The following NSFL1C variants were observed in gnomAD, a reference collection of about 807,000 sequenced individuals.
The protein encoded by NSFL1C is NSFL1 cofactor p47.
A neutral mutation model predicts 43.1 loss-of-function variants in NSFL1C; 14 were observed. The ratio of observed to expected loss-of-function variants is 0.32; its 90% CI spans 0.21 to 0.51. The LOEUF (loss-of-function observed/expected upper bound fraction) is 0.51, where lower values mean the gene tolerates loss of function less well. Ranked by LOEUF, NSFL1C falls within the 20% of genes least tolerant of loss-of-function variation. NSFL1C has a pLI of 0.98. For synonymous variants in NSFL1C, 171 were observed against 183.5 expected, an observed-to-expected ratio of 0.93 and a Z score of 0.55; for missense variants, 406 against 472.5, an observed-to-expected ratio of 0.86 and a Z score of 1.30.
chr20:1,454,117 G>T, intron 5 of NSFL1C, 96 bp downstream of exon 5: 1 of 928,450 alleles, frequency 1.1e-6, no homozygotes, highest in East Asian at 2.4e-5. Flanking sequence ...TTCCCTTTCA[G>T]AGGCTGCTGG....
chr20:1,455,855 A>G, intron 3 of NSFL1C: 1 of 727,794 alleles, frequency 1.4e-6, no homozygotes, highest in Non-Finnish European at 2.6e-6. Flanking sequence ...CATTCATGTG[A>G]CACACACTGT....
In NSFL1C at chr20:1,466,754, C is replaced by A; in HGVS notation, c.71G>T (p.Arg24Leu). The A allele has an allele frequency of 6.4e-7, 1 of 1,564,058 alleles. No homozygotes were observed. The highest frequency in any genetic ancestry group is 8.6e-7 in the Non-Finnish European group (1 of 1,157,470). ...AVTGAEEDRA[R>L]FFLESAGWDL... is the part of the protein sequence containing the mutation. ...CCAGCCGGCCGACTCGAGAAAGAAG[C>A]GGGCCCGGTCCTCCTCGGCGCCCGT... The change falls in exon 1 of 9, where the codon CGC becomes CTC. Residue 24 changes from arginine (R) to leucine (L), a missense_variant. Physicochemically the swap from Arg to Leu is moderately radical, Grantham distance 102. This residue lies in a region of NSFL1C where 203 missense variants were observed against 216.3 expected (regional missense o/e 0.94). Coordinates refer to ENST00000216879, the MANE Select transcript of NSFL1C (RefSeq NM_016143.5).
In NSFL1C at chr20:1,445,665, C is replaced by T; in HGVS notation, c.950+1G>A. On this transcript the variant is annotated splice_donor_variant, in intron 8 of 8. Coordinates refer to ENST00000216879, the MANE Select transcript of NSFL1C (RefSeq NM_016143.5). LOFTEE classifies it high-confidence loss of function. ...AAGCTAGGCCACACAATGCAAGGTA[C>T]CTGTGGCTGTGGTTAAATTTCTGCA... 1 of 1,612,182 alleles carries T rather than the reference C, an allele frequency of 6.2e-7. No homozygotes were observed. Among genetic ancestry groups the T allele is most frequent in the Non-Finnish European group, 8.5e-7 (1 of 1,179,804 alleles).
intron 6 of NSFL1C, 108 bp from the exon 7 acceptor site, chr20:1,452,738 C>A: frequency 7.2e-7 from 1 of 1,394,956 alleles, no homozygotes. Context: ...AATCGCTGGG[C>A]CTCCAAAGGG....
chr20:1,452,742 C>A (rs1599949268), intron 6 of NSFL1C, 112 bp from the exon 7 acceptor site: 6 of 1,347,350 alleles, frequency 4.5e-6, no homozygotes, highest in Non-Finnish European at 6.1e-6. Flanking sequence ...GCTGGGCCTC[C>A]AAAGGGAGCA....
Position 1,443,510 on chromosome 20 carries a change from AT to A in NSFL1C, c.*238del. On this transcript the variant is annotated 3_prime_UTR_variant, in exon 9 of 9. Coordinates refer to ENST00000216879, the MANE Select transcript of NSFL1C (RefSeq NM_016143.5). ...ACAACATGCTGGTGATATTCCTTCA[AT>A]TTTTTTGGTTGTTTTTATTTTTTTT... The A allele has an allele frequency of 4.9e-6, 2 of 405,974 alleles. No homozygotes were observed. The highest frequency in any genetic ancestry group is 4.4e-6 in the Non-Finnish European group (1 of 225,378). The allele number at this position is 405,974 out of a possible 1,614,324, so 25.1% of individuals were successfully genotyped here.
At chr20:1,466,687 G>A (rs1444280810) in intron 1 of NSFL1C, 33 bp downstream of exon 1, 13 of 1,523,596 alleles carry the variant, frequency 8.5e-6, no homozygotes, top group South Asian at 3.6e-5. Context: ...GCAGTCCCCG[G>A]CCCACCCGAC....
At chr20:1,456,817 C>T (rs774467181) in intron 3 of NSFL1C, 1 of 152,008 alleles carries the variant, frequency 6.6e-6, no homozygotes, top group Admixed American at 6.6e-5. Context: ...ATGTTCATAG[C>T]ACTGATATTT....
chr20:1,462,697 G>C (rs1008707836), intron 2 of NSFL1C, among the ~76,000 whole-genome samples: 2 of 151,716 alleles, frequency 1.3e-5, no homozygotes, highest in African/African-American at 4.8e-5. Flanking sequence ...AATTTTTTTT[G>C]TATTTTTAGT....
chr20:1,445,387 G>C lies in NSFL1C; in HGVS notation c.950+279C>G, dbSNP rs1306674517. On this transcript the variant is annotated intron_variant, in intron 8 of 8. Transcript: ENST00000216879. ...ATGGGACTTCCTCTGAAGTCTGGTAGCTTAAAAAAAGCCCTGAGAAATCTA... is the reference window on the plus strand; with the variant it reads ...ATGGGACTTCCTCTGAAGTCTGGTACCTTAAAAAAAGCCCTGAGAAATCTA... Among the ~76,000 whole-genome samples the C allele has an allele frequency of 3.3e-5, 5 of 152,160 alleles. No homozygotes were observed. In the East Asian group the frequency reaches 5.8e-4, roughly 18 times the overall value.
intron 7 of NSFL1C, among the ~76,000 whole-genome samples, chr20:1,448,134 T>G (rs2090105793): frequency 6.6e-6 from 1 of 152,234 alleles, no homozygotes; most frequent in Non-Finnish European, 1.5e-5. Context: ...CTGAGCATCT[T>G]GGCACCTCAA....
At chr20:1,450,959 G>A (rs2122856590) in intron 7 of NSFL1C, among the ~76,000 whole-genome samples, 1 of 152,322 alleles carries the variant, frequency 6.6e-6, no homozygotes, top group Non-Finnish European at 1.5e-5. Flanking sequence ...ACAACAGCAT[G>A]TTTACAAATA....
intron 1 of NSFL1C, among the ~76,000 whole-genome samples, chr20:1,466,485 G>A (rs1444671442): frequency 1.3e-5 from 2 of 152,214 alleles, no homozygotes; most frequent in Admixed American, 1.3e-4. Context: ...GACGCCGCAA[G>A]CGGGCGAGGC....
intron 7 of NSFL1C, among the ~76,000 whole-genome samples, chr20:1,447,886 G>GT (rs1417173186): frequency 1.3e-5 from 2 of 152,128 alleles, no homozygotes; most frequent in African/African-American, 4.8e-5. Flanking sequence ...TGAGAGGGGT[G>GT]TATCTCCATT....
intron 3 of NSFL1C, among the ~76,000 whole-genome samples, chr20:1,457,771 C>T (rs1371288567): frequency 2.0e-5 from 3 of 152,208 alleles, no homozygotes; most frequent in African/African-American, 7.2e-5. Flanking sequence ...TTTTTAAAGA[C>T]TGAGTAGTAT....
intron 7 of NSFL1C, 35 bp downstream of exon 7, chr20:1,452,458 G>T: frequency 6.2e-7 from 1 of 1,608,730 alleles, no homozygotes; most frequent in South Asian, 1.1e-5. Context: ...AGGTGTGATT[G>T]ACAGAGTCTG....
At chr20:1,451,149 CTG>C (rs1327003908) in intron 7 of NSFL1C, among the ~76,000 whole-genome samples, 2 of 152,298 alleles carry the variant, frequency 1.3e-5, no homozygotes, top group South Asian at 2.1e-4. Context: ...GGGACACTCT[CTG>C]TGAGAATAGC....
chr20:1,453,911 G>A (rs73891550), intron 5 of NSFL1C, among the ~76,000 whole-genome samples: 325 of 152,168 alleles, frequency 2.1e-3, no homozygotes, highest in African/African-American at 7.7e-3. Flanking sequence ...AGCTATACTC[G>A]CATCACTAGA....
intron 7 of NSFL1C, among the ~76,000 whole-genome samples, chr20:1,449,227 T>A (rs534207058): frequency 6.6e-6 from 1 of 151,826 alleles, no homozygotes; most frequent in African/African-American, 2.4e-5. Context: ...GCTAACAACA[T>A]AAAACACTCG....
Sources: allele counts gnomAD v4.1 joint callset (sites outside exome capture counted in the v4.1 genomes callset), GRCh38; gene constraint gnomAD v4.1.1; regional missense constraint gnomAD v4.1.1; transcripts MANE v1.5; gene names NCBI Gene and HGNC (gene_info 2026-07-23, HGNC 2026-07-21).